The following CEP57L1 variants were observed in gnomAD, a reference collection of about 807,000 sequenced individuals.
CEP57L1 encodes the protein centrosomal protein 57 like 1.
A neutral mutation model predicts 61.0 loss-of-function variants in CEP57L1; 37 were observed. That is an observed-to-expected ratio of 0.61 (90% confidence interval 0.47 to 0.80). The LOEUF (loss-of-function observed/expected upper bound fraction) is 0.80. Ranked by LOEUF, CEP57L1 falls within the 30% of genes least tolerant of loss-of-function variation. The pLI, the probability that CEP57L1 is intolerant of heterozygous loss-of-function variation, is 0.00. For missense variants in CEP57L1, 422 were observed against 524.7 expected (o/e 0.80, Z 1.91); for synonymous variants, 137 against 162.3 (o/e 0.84, Z 1.19).
intron 1 of CEP57L1, among the ~76,000 whole-genome samples, chr6:109,124,284 G>A (rs567800908): frequency 1.3e-5 from 2 of 152,258 alleles, no homozygotes; most frequent in East Asian, 1.9e-4. Flanking sequence ...CCTGGCATGC[G>A]AGACTCCTCA....
At chr6:109,140,148 A>G (rs1157424542) in intron 1 of CEP57L1, among the ~76,000 whole-genome samples, 1 of 152,082 alleles carries the variant, frequency 6.6e-6, no homozygotes, top group Non-Finnish European at 1.5e-5. Flanking sequence ...GCTGGAGTGC[A>G]GTGACTTGAT....
chr6:109,155,347 T>C (rs987535385), intron 6 of CEP57L1, 40 bp downstream of exon 6: 1 of 1,034,662 alleles, frequency 9.7e-7, no homozygotes, highest in African/African-American at 1.7e-5. Context: ...GTAAACCATA[T>C]ATGTTTTATT....
intron 1 of CEP57L1, among the ~76,000 whole-genome samples, chr6:109,115,645 T>G (rs1456472360): frequency 6.6e-6 from 1 of 152,174 alleles, no homozygotes; most frequent in Admixed American, 6.6e-5. Context: ...AAAATTTGAT[T>G]ATTTATGATT....
chr6:109,113,100 A>G (rs1771862792), intron 1 of CEP57L1, among the ~76,000 whole-genome samples: 1 of 152,016 alleles, frequency 6.6e-6, no homozygotes, highest in South Asian at 2.1e-4. Flanking sequence ...GTCTAACATG[A>G]AGGTGGGGTG....
At chr6:109,113,877 T>C (rs1771971262) in intron 1 of CEP57L1, among the ~76,000 whole-genome samples, 1 of 152,150 alleles carries the variant, frequency 6.6e-6, no homozygotes, top group African/African-American at 2.4e-5. Context: ...TAAGGAAGTA[T>C]AAAGGAAGGC....
At chr6:109,096,616 C>A (rs1297005338) in intron 1 of CEP57L1, among the ~76,000 whole-genome samples, 4 of 152,164 alleles carry the variant, frequency 2.6e-5, no homozygotes, top group African/African-American at 4.8e-5. Flanking sequence ...ATTGTGAATT[C>A]TTTACATCGT....
At chr6:109,112,223 G>C (rs182646577) in intron 1 of CEP57L1, among the ~76,000 whole-genome samples, 2 of 152,222 alleles carry the variant, frequency 1.3e-5, no homozygotes, top group Admixed American at 1.3e-4. Flanking sequence ...TCTATTCCGG[G>C]ATTCGACTTC....
At chr6:109,129,037 A>G (rs960183928) in intron 1 of CEP57L1, among the ~76,000 whole-genome samples, 3 of 152,076 alleles carry the variant, frequency 2.0e-5, no homozygotes, top group Non-Finnish European at 2.9e-5. Context: ...TGTCTCTACT[A>G]AAAATACAAA....
At position 109,097,255 on chromosome 6, in the gene CEP57L1, G is replaced by A. The variant is rs560704865; in HGVS notation, c.-4+1680G>A. Among the ~76,000 whole-genome samples, 8 of 152,204 alleles carry A rather than the reference G, an allele frequency of 5.3e-5. 1 individual carries two copies. The highest frequency in any genetic ancestry group is 1.7e-4 in the African/African-American group (7 of 41,510). Reference sequence around the variant, plus strand: ...TTCTCTCCACCTGTCTTCAAACTGCGATAATCTCTCAAGACCACTACAGTA... The same window carrying A: ...TTCTCTCCACCTGTCTTCAAACTGCAATAATCTCTCAAGACCACTACAGTA... On this transcript the variant is annotated intron_variant, in intron 1 of 10. Coordinates refer to ENST00000517392, the MANE Select transcript of CEP57L1 (RefSeq NM_001271852.3).
chr6:109,110,859 G>T (rs1330542413), intron 1 of CEP57L1, among the ~76,000 whole-genome samples: 2 of 152,110 alleles, frequency 1.3e-5, no homozygotes, highest in Non-Finnish European at 2.9e-5. Flanking sequence ...TATTTCTGAG[G>T]CCTCTGTTCT....
chr6:109,097,593 C>G (rs1781858675), intron 1 of CEP57L1, among the ~76,000 whole-genome samples: 1 of 152,174 alleles, frequency 6.6e-6, no homozygotes, highest in Admixed American at 6.5e-5. Context: ...ATTGAAGATA[C>G]AGCATTGACC....
At position 109,173,872 on chromosome 6, in the gene CEP57L1, G is replaced by T. The variant is rs906797502; in HGVS notation, c.*10902G>T. Among the ~76,000 whole-genome samples the T allele has an allele frequency of 4.6e-5, 7 of 152,004 alleles. No individual in the cohort carries two copies. Among genetic ancestry groups the T allele is most frequent in the Admixed American group, 4.6e-4 (7 of 15,254 alleles). On this transcript the variant is annotated 3_prime_UTR_variant, in exon 11 of 11. Coordinates refer to ENST00000517392, the MANE Select transcript of CEP57L1 (RefSeq NM_001271852.3). ...CCAGCACTTTGGGAGGCAAAGGAAG[G>T]TGGATCACTTGAGGTCAGGAGTTTG...
chr6:109,127,724 G>A (rs1047090768), intron 1 of CEP57L1, among the ~76,000 whole-genome samples: 1 of 151,656 alleles, frequency 6.6e-6, no homozygotes, highest in Admixed American at 6.6e-5. Flanking sequence ...GGGTTCAAGC[G>A]ATTCTCCTGC....
At chr6:109,134,613 A>T (rs990359722) in intron 1 of CEP57L1, among the ~76,000 whole-genome samples, 1 of 152,210 alleles carries the variant, frequency 6.6e-6, no homozygotes, top group African/African-American at 2.4e-5. Context: ...GGAAAAGAGG[A>T]AATCAAATTG....
rs1423492702 is a variant in CEP57L1 at position 109,164,388 on chromosome 6, A to G, written c.*1418A>G. On this transcript the variant is annotated 3_prime_UTR_variant, in exon 11 of 11. Transcript: ENST00000517392. ...TGGGGAAGTGACTGAAGATGGGCAC[A>G]TTGATGCTTGAAATTGTCCTTGAAA... is the stretch of plus-strand genomic sequence containing the variant. 6.6e-6 allele frequency among the ~76,000 whole-genome samples: 1 copy of G among 152,210 alleles called. No individual in the cohort carries two copies. The highest frequency in any genetic ancestry group is 2.4e-5 in the African/African-American group (1 of 41,452).
intron 1 of CEP57L1, among the ~76,000 whole-genome samples, chr6:109,112,062 C>A (rs553791866): frequency 6.6e-6 from 1 of 152,290 alleles, no homozygotes; most frequent in East Asian, 1.9e-4. Flanking sequence ...AGGAGTCCCT[C>A]TTTTTCTATT....
intron 1 of CEP57L1, among the ~76,000 whole-genome samples, chr6:109,117,339 CCTT>C (rs1257962756): frequency 9.2e-5 from 14 of 152,134 alleles, no homozygotes; most frequent in African/African-American, 2.4e-4. Flanking sequence ...GCTCTACAAA[CCTT>C]CTCTATCTTT....
rs1376412192 is a variant in CEP57L1 at position 109,171,903 on chromosome 6, A to T, written c.*8933A>T. Among the ~76,000 whole-genome samples, 4 of 152,156 alleles carry T rather than the reference A, an allele frequency of 2.6e-5. No homozygotes were observed. The highest frequency in any genetic ancestry group is 9.6e-5 in the African/African-American group (4 of 41,452). ...GCTCAAGGTTTCATTTACATGGGAA[A>T]TGAGAACTAGACAGTGTGGTGACTG... On this transcript the variant is annotated 3_prime_UTR_variant, in exon 11 of 11. Transcript: ENST00000517392.
In CEP57L1 at chr6:109,173,683, C is replaced by T. The variant is rs892982963; in HGVS notation, c.*10713C>T. 4.6e-5 allele frequency among the ~76,000 whole-genome samples: 7 copies of T among 151,622 alleles called. No individual in the cohort carries two copies. The highest frequency in any genetic ancestry group is 1.0e-4 in the Non-Finnish European group (7 of 67,910). On this transcript the variant is annotated 3_prime_UTR_variant, in exon 11 of 11. Transcript: ENST00000517392. ...CAAACTCTGGGCTCAAGCAATCCTT[C>T]CACCTCAGCCTCCCAAAGCTCTGGG...
Sources: gnomAD v4.1 joint callset for allele counts (sites outside exome capture counted in the v4.1 genomes callset) on GRCh38, gnomAD v4.1.1 for gene constraint, MANE v1.5 for transcripts, NCBI Gene and HGNC (gene_info 2026-07-23, HGNC 2026-07-21) for gene names.